Variants in CROCC observed in about 807,000 individuals in gnomAD.
CROCC encodes the protein rootletin.
Under a neutral mutation model 245.2 loss-of-function variants are expected in CROCC, and 180 were observed. That is an observed-to-expected ratio of 0.73 (90% CI 0.65 to 0.83). The LOEUF (loss-of-function observed/expected upper bound fraction) is 0.83. Ranked by LOEUF, CROCC falls within the 40% of genes least tolerant of loss-of-function variation. The probability of loss-of-function intolerance (pLI) is 0.00; values close to 1 mark genes in which losing one functional copy is unlikely to be tolerated. For missense variants in CROCC, 2,688 were observed against 2,779.4 expected (o/e 0.97, Z 0.74); for synonymous variants, 1,205 against 1,241.6 (o/e 0.97, Z 0.62).
chr1:16,962,916 T>TC (rs2076357315), intron 27 of CROCC, among the ~76,000 whole-genome samples: 1 of 151,636 alleles, frequency 6.6e-6, no homozygotes, highest in Non-Finnish European at 1.5e-5. Flanking sequence ...ACACGTTGGC[T>TC]CATGTTTGTA....
At chr1:16,970,840 T>TGGCCCAGCC (rs2076506028) in intron 35 of CROCC, 73 bp downstream of exon 35, 25 of 1,458,020 alleles carry the variant, frequency 1.7e-5, no homozygotes, top group Non-Finnish European at 2.3e-5. Flanking sequence ...GTGGAGCTGA[T>TGGCCCAGCC]GGCCCAGCCA....
At chr1:16,935,412 T>G (rs2075766651) in intron 8 of CROCC, among the ~76,000 whole-genome samples, 1 of 152,182 alleles carries the variant, frequency 6.6e-6, no homozygotes, top group Non-Finnish European at 1.5e-5. Flanking sequence ...TCTCCACTGG[T>G]TTTTTTGTTT....
upstream of CROCC, among the ~76,000 whole-genome samples, chr1:16,920,121 C>T (rs1454932860): frequency 6.6e-6 from 1 of 152,196 alleles, no homozygotes; most frequent in African/African-American, 2.4e-5. Flanking sequence ...ACTGTGTCGC[C>T]AGGCTGGAGT....
Position 16,931,391 on chromosome 1 carries a change from C to G in CROCC, c.950C>G (p.Thr317Ser). ...CTGGTCAGCGAGGTGAAGATGTTCA[C>G]TGAGAGGTGAGGCCTGGCCGGGGAC... ...RRLVSEVKMF[T>S]ERDLLQLGGE... The change falls in exon 8 of 37, where the codon ACT becomes AGT. Residue 317 changes from threonine (T) to serine (S), a missense_variant. This residue lies in a region of CROCC where 972 missense variants were observed against 895.3 expected (regional missense o/e 1.09). Coordinates refer to ENST00000375541, the MANE Select transcript of CROCC (RefSeq NM_014675.5). 6.2e-7 allele frequency: 1 copy of G among 1,610,798 alleles called. No homozygotes were observed.
Position 16,969,263 on chromosome 1 carries a change from C to G in CROCC, c.5224C>G (p.Leu1742Val), listed in dbSNP as rs1262198077. 1 of 1,613,428 alleles carries G rather than the reference C, an allele frequency of 6.2e-7. No homozygotes were observed. Among genetic ancestry groups the G allele is most frequent in the East Asian group, 2.2e-5 (1 of 44,878 alleles). ...GGCCCTGGCCCAGAGCAGTGCCAGC[C>G]TCAACAGCACCCGGGACAAGAACCT... ...TEALAQSSAS[L>V]NSTRDKNLHL... is the part of the protein sequence containing the mutation. Residue 1742 changes from leucine (L) to valine (V), a missense_variant, in exon 32 of 37, where the codon CTC becomes GTC. Coordinates refer to ENST00000375541, the MANE Select transcript of CROCC (RefSeq NM_014675.5).
intron 27 of CROCC, among the ~76,000 whole-genome samples, chr1:16,962,269 G>T (rs2076345298): frequency 6.6e-6 from 1 of 151,414 alleles, no homozygotes; most frequent in African/African-American, 2.4e-5. Context: ...TTCAAGGCTG[G>T]GCGCGGTGGC....
At chr1:16,934,611 C>A (rs1422330073) in intron 8 of CROCC, among the ~76,000 whole-genome samples, 2 of 152,234 alleles carry the variant, frequency 1.3e-5, no homozygotes, top group African/African-American at 4.8e-5. Flanking sequence ...CCTTAAAATA[C>A]AAAACAAAAC....
In CROCC at chr1:16,956,087, A is replaced by G; in HGVS notation, c.3795A>G (p.Arg1265=). Residue 1265 remains arginine, a synonymous_variant, in exon 25 of 37, where the codon CGA becomes CGG. Transcript: ENST00000375541. ...TAVGKEAGEL[R]TGLQEVERSR... ...TGGGCAAGGAGGCCGGGGAGCTGCG[A>G]ACTGGGCTGCAGGAGGTGGAGCGCT... 6.4e-7 allele frequency: 1 copy of G among 1,550,792 alleles called. No homozygotes were observed. The highest frequency in any genetic ancestry group is 8.7e-7 in the Non-Finnish European group (1 of 1,146,854).
chr1:16,915,593 T>C (rs1193102007), intron 1 of CROCC, among the ~76,000 whole-genome samples: 1 of 152,028 alleles, frequency 6.6e-6, no homozygotes, highest in African/African-American at 2.4e-5. Context: ...TGAGCCATGA[T>C]TTTGCCACTG....
rs375517438 is a variant in CROCC at position 16,969,769 on chromosome 1, A to T, written c.5302-16A>T. The T allele has an allele frequency of 1.5e-4, 236 of 1,609,054 alleles. 1 individual carries two copies. The African/African-American group carries it at 2.9e-3, about 20-fold the overall frequency. ...GCTCCCAGGCCAGCCAGGCACCATC[A>T]GCCCCTGTCCCCCAGGAACGGCTGG... On this transcript the variant is annotated splice_polypyrimidine_tract_variant and intron_variant, in intron 32 of 36. Coordinates refer to ENST00000375541, the MANE Select transcript of CROCC (RefSeq NM_014675.5).
At chr1:16,970,848 C>G (rs1570726062) in intron 35 of CROCC, 81 bp downstream of exon 35, 1 of 1,441,788 alleles carries the variant, frequency 6.9e-7, no homozygotes, top group East Asian at 2.5e-5. Context: ...GATGGCCCAG[C>G]CAGCCCAGGG....
rs1406834357 is a variant in CROCC, at chr1:16,966,467, G to A, written c.4756G>A (p.Glu1586Lys). Residue 1586 changes from glutamate to lysine, a missense_variant, in exon 30 of 37, where the codon GAG (glutamate) becomes AAG (lysine). By Grantham distance (56) the Glu-to-Lys change is moderately conservative (BLOSUM62 1). This residue lies in a region of CROCC where 1,218 missense variants were observed against 1,286.3 expected (regional missense o/e 0.95). Transcript: ENST00000375541. This position sits in a 1 kb window ranked among gnomAD's most constrained non-coding sequence, Gnocchi z 4.8. ...CCAGGCGGAGCTGGCGCTGCAGGAG[G>A]AGAGTGTGCGGCGCAGTGAGCGGGA... Reference protein sequence around the residue: ...GVQAELALQEESVRRSERERR... With the variant: ...GVQAELALQEKSVRRSERERR... 1.3e-6 allele frequency: 2 copies of A among 1,536,738 alleles called. No individual in the cohort carries two copies. The highest frequency in any genetic ancestry group is 2.4e-5 in the East Asian group (1 of 40,868).
upstream of CROCC, among the ~76,000 whole-genome samples, chr1:16,918,940 TTGGCCAGGC>T (rs375038468): frequency 3.0e-3 from 451 of 152,182 alleles, no homozygotes; most frequent in African/African-American, 0.011. Context: ...TTTCACCACG[TTGGCCAGGC>T]TGGTCTAGAA....
Position 16,970,687 on chromosome 1 carries a change from G to A in CROCC, c.5704G>A (p.Glu1902Lys). Residue 1902 changes from glutamate (E) to lysine (K), a missense_variant, in exon 35 of 37, where the codon GAG (glutamate) becomes AAG (lysine). Glu to Lys is a moderately conservative substitution (Grantham distance 56). Coordinates refer to ENST00000375541, the MANE Select transcript of CROCC (RefSeq NM_014675.5). ...TGAGGACACAGTGCGGCTGAGCGCAGAGAAGGGCCGCCTGGACCGCACCCT... is the reference window on the plus strand; with the variant it reads ...TGAGGACACAGTGCGGCTGAGCGCAAAGAAGGGCCGCCTGGACCGCACCCT... ...SHEDTVRLSAEKGRLDRTLTG... is the reference protein window; with the variant it reads ...SHEDTVRLSAKKGRLDRTLTG... 1 of 1,602,814 alleles carries A rather than the reference G, an allele frequency of 6.2e-7. No individual in the cohort carries two copies. The highest frequency in any genetic ancestry group is 8.5e-7 in the Non-Finnish European group (1 of 1,174,882).
intron 4 of CROCC, 36 bp from the exon 5 acceptor site, chr1:16,930,088 A>C (rs771296501): frequency 3.0e-5 from 48 of 1,576,400 alleles, no homozygotes; most frequent in Admixed American, 2.8e-4. Context: ...GCCCCGCCCC[A>C]ACCCCTGGGG....
Position 16,931,376 on chromosome 1 carries a change from A to G in CROCC, c.935A>G (p.Glu312Gly). ...QVVGFRRLVS[E>G]VKMFTERDLL... ...GTGGGGTTCCGGCGGCTGGTCAGCG[A>G]GGTGAAGATGTTCACTGAGAGGTGA... Residue 312 changes from glutamate (E) to glycine (G), a missense_variant, in exon 8 of 37, where the codon GAG (glutamate) becomes GGG (glycine). Coordinates refer to ENST00000375541, the MANE Select transcript of CROCC (RefSeq NM_014675.5). The G allele has an allele frequency of 6.2e-7, 1 of 1,611,886 alleles. No individual in the cohort carries two copies. Among genetic ancestry groups the G allele is most frequent in the Non-Finnish European group, 8.5e-7 (1 of 1,178,484 alleles).
At chr1:16,924,210 C>A (rs1296896428) in intron 2 of CROCC, 115 bp from the exon 3 acceptor site, 1 of 1,297,558 alleles carries the variant, frequency 7.7e-7, no homozygotes, top group African/African-American at 1.4e-5. Flanking sequence ...GGTGCTGCAG[C>A]CATTCCCATC....
At chr1:16,923,384 C>A (rs1318425098) in intron 2 of CROCC, among the ~76,000 whole-genome samples, 3 of 152,278 alleles carry the variant, frequency 2.0e-5, no homozygotes, top group African/African-American at 4.8e-5. Flanking sequence ...CTTGGGAGCG[C>A]CAGGGATGTT....
chr1:16,953,572 C>T, intron 21 of CROCC, 91 bp downstream of exon 21: 1 of 1,273,758 alleles, frequency 7.9e-7, no homozygotes, highest in Non-Finnish European at 1.1e-6. Flanking sequence ...GCTAGGAGCC[C>T]TGGGGCAGGC....
Sources: gnomAD v4.1 joint callset for allele counts (sites outside exome capture counted in the v4.1 genomes callset) on GRCh38, gnomAD v4.1.1 for gene constraint, gnomAD v4.1.1 regional missense constraint, Gnocchi (gnomAD v3.1) non-coding constraint, MANE v1.5 for transcripts, NCBI Gene and HGNC (gene_info 2026-07-23, HGNC 2026-07-21) for gene names.